The following PLCB4 variants were observed in gnomAD, a reference collection of about 807,000 sequenced individuals.
PLCB4 encodes 1-phosphatidylinositol 4,5-bisphosphate phosphodiesterase beta-4.
Under a neutral mutation model 178.8 loss-of-function variants are expected in PLCB4, and 77 were observed. The observed-to-expected ratio is 0.43, with a 90% CI of 0.36 to 0.52. The LOEUF (loss-of-function observed/expected upper bound fraction) is 0.52. Among genes scored for constraint, PLCB4 ranks in the 20% least tolerant of loss-of-function variants. PLCB4 has a pLI of 0.00. For synonymous variants in PLCB4, 496 were observed against 490.8 expected, an observed-to-expected ratio of 1.01 and a Z score of -0.14; for missense variants, 1,024 against 1,453.4, an observed-to-expected ratio of 0.70 and a Z score of 4.80.
At chr20:9,423,633 A>T (rs949196698) in intron 27 of PLCB4, 115 bp from the exon 28 acceptor site, 1 of 772,102 alleles carries the variant, frequency 1.3e-6, no homozygotes. Flanking sequence ...TCATGGACTT[A>T]CTTTCAACAT....
chr20:9,136,905 G>A (rs2092395537), intron 2 of PLCB4, among the ~76,000 whole-genome samples: 1 of 152,038 alleles, frequency 6.6e-6, no homozygotes, highest in Non-Finnish European at 1.5e-5. Flanking sequence ...CAACATTGGT[G>A]AGCTTCCTTG....
intron 2 of PLCB4, among the ~76,000 whole-genome samples, chr20:9,183,281 C>A (rs2093276741): frequency 6.6e-6 from 1 of 152,056 alleles, no homozygotes; most frequent in Non-Finnish European, 1.5e-5. Flanking sequence ...GGTCACTAAG[C>A]CCATCTCCCA....
chr20:9,346,816 T>G (rs1254488948), intron 7 of PLCB4, among the ~76,000 whole-genome samples: 3 of 152,174 alleles, frequency 2.0e-5, no homozygotes, highest in African/African-American at 7.2e-5. Flanking sequence ...TTGTTATTTC[T>G]ATTGCTGGGT....
At chr20:9,178,274 T>C (rs2147076180) in intron 2 of PLCB4, among the ~76,000 whole-genome samples, 1 of 152,292 alleles carries the variant, frequency 6.6e-6, no homozygotes, top group East Asian at 1.9e-4. Flanking sequence ...TGAGCTGAGA[T>C]TGCACCACTG....
chr20:9,424,111 T>C (rs990747019), intron 28 of PLCB4, among the ~76,000 whole-genome samples, 159 bp downstream of exon 28: 1 of 152,198 alleles, frequency 6.6e-6, no homozygotes, highest in Non-Finnish European at 1.5e-5. Context: ...GAATACATCA[T>C]AACCTCAGGT....
chr20:9,407,888 CTT>C, intron 21 of PLCB4, 27 bp from the exon 22 acceptor site: 1 of 1,597,836 alleles, frequency 6.3e-7, no homozygotes, highest in Non-Finnish European at 8.5e-7. Flanking sequence ...AAGTCATCAA[CTT>C]ATATGTTTTC....
chr20:9,303,578 A>G (rs569799661), intron 3 of PLCB4, among the ~76,000 whole-genome samples: 2 of 152,276 alleles, frequency 1.3e-5, no homozygotes, highest in Non-Finnish European at 2.9e-5. Flanking sequence ...TTCTCTATGC[A>G]TTCATTTGTT....
chr20:9,407,213 T>C (rs1405487103), intron 21 of PLCB4, among the ~76,000 whole-genome samples: 3 of 152,148 alleles, frequency 2.0e-5, no homozygotes, highest in Admixed American at 2.0e-4. Flanking sequence ...ACTCTGAGTG[T>C]GGGGCCCAGG....
chr20:9,431,427 A>C (rs2041387508), intron 28 of PLCB4, among the ~76,000 whole-genome samples: 1 of 152,054 alleles, frequency 6.6e-6, no homozygotes, highest in African/African-American at 2.4e-5. Flanking sequence ...GGTGGACACT[A>C]TTCAACCTAC....
intron 28 of PLCB4, among the ~76,000 whole-genome samples, chr20:9,427,368 G>GAA (rs141887905): frequency 9.9e-5 from 13 of 131,640 alleles, no homozygotes; most frequent in South Asian, 9.5e-4. Context: ...TCTCCTATCA[G>GAA]AAAAAAAAAA....
At chr20:9,307,637 G>A (rs1256807975) in intron 3 of PLCB4, among the ~76,000 whole-genome samples, 163 bp from the exon 4 acceptor site, 1 of 151,900 alleles carries the variant, frequency 6.6e-6, no homozygotes, top group Non-Finnish European at 1.5e-5. Context: ...TCCAGGTTTA[G>A]AGAAAAGAAA....
chr20:9,313,519 T>C (rs2094861135), intron 4 of PLCB4, among the ~76,000 whole-genome samples: 1 of 151,836 alleles, frequency 6.6e-6, no homozygotes. Flanking sequence ...AAATTTGGAG[T>C]TGGGGGAGAA....
chr20:9,110,503 T>C (rs952290432), intron 2 of PLCB4, among the ~76,000 whole-genome samples: 1 of 152,236 alleles, frequency 6.6e-6, no homozygotes, highest in Admixed American at 6.5e-5. Flanking sequence ...TGCTGTGTAA[T>C]GGTTGGCATC....
intron 3 of PLCB4, among the ~76,000 whole-genome samples, chr20:9,287,825 G>T (rs1298412529): frequency 6.6e-6 from 1 of 152,186 alleles, no homozygotes; most frequent in Non-Finnish European, 1.5e-5. Context: ...TGCATTTCAT[G>T]GCTTAATCTT....
intron 18 of PLCB4, 89 bp downstream of exon 18, chr20:9,393,767 CT>C: frequency 1.1e-6 from 1 of 884,006 alleles, no homozygotes; most frequent in Non-Finnish European, 1.8e-6. Flanking sequence ...TTTAAAACCA[CT>C]GATTTTTGGG....
At chr20:9,120,089 C>T (rs528807220) in intron 2 of PLCB4, among the ~76,000 whole-genome samples, 1 of 152,296 alleles carries the variant, frequency 6.6e-6, no homozygotes, top group East Asian at 1.9e-4. Context: ...GCCCCAGCAG[C>T]AGAGCTGTGG....
At chr20:9,151,209 C>T (rs2092684957) in intron 2 of PLCB4, among the ~76,000 whole-genome samples, 1 of 152,098 alleles carries the variant, frequency 6.6e-6, no homozygotes, top group African/African-American at 2.4e-5. Context: ...ATAAGTACTC[C>T]AGTGATGGTT....
chr20:9,080,187 A>G (rs960875133), intron 1 of PLCB4, among the ~76,000 whole-genome samples: 1 of 152,202 alleles, frequency 6.6e-6, no homozygotes, highest in Admixed American at 6.5e-5. Flanking sequence ...TTTGTTCAGC[A>G]TGGCAGCAAG....
chr20:9,376,382 A>C (rs2036672126), intron 12 of PLCB4, among the ~76,000 whole-genome samples: 1 of 152,214 alleles, frequency 6.6e-6, no homozygotes, highest in Non-Finnish European at 1.5e-5. Flanking sequence ...TGGGAAGAAT[A>C]TGAGAGCGAC....
Sources: allele counts gnomAD v4.1 joint callset (sites outside exome capture counted in the v4.1 genomes callset), GRCh38; gene constraint gnomAD v4.1.1; transcripts MANE v1.5; gene names NCBI Gene and HGNC (gene_info 2026-07-23, HGNC 2026-07-21).